PREX2: variants seen among roughly 807,000 people sequenced by gnomAD.
PREX2 encodes phosphatidylinositol 3,4,5-trisphosphate-dependent Rac exchanger 2 protein.
Under a neutral mutation model 203.2 loss-of-function variants are expected in PREX2, and 107 were observed. That is an observed-to-expected ratio of 0.53 (90% confidence interval 0.45 to 0.62). The LOEUF is 0.62. Among genes scored for constraint, PREX2 ranks in the 20% least tolerant of loss-of-function variants. The pLI is 0.00. For synonymous variants in PREX2, 672 were observed against 663.6 expected, an observed-to-expected ratio of 1.01 and a Z score of -0.19; for missense variants, 1,777 against 1,955.9, an observed-to-expected ratio of 0.91 and a Z score of 1.72.
intron 37 of PREX2, among the ~76,000 whole-genome samples, chr8:68,204,032 C>T (rs1178112580): frequency 6.6e-6 from 1 of 151,954 alleles, no homozygotes; most frequent in Admixed American, 6.6e-5. Context: ...CAGTTAAATT[C>T]CCCCCGCCCC....
chr8:68,196,410 A>T (rs938809698), intron 37 of PREX2, among the ~76,000 whole-genome samples: 5 of 147,494 alleles, frequency 3.4e-5, no homozygotes, highest in Admixed American at 6.8e-5. Context: ...ACATAGCTTT[A>T]TATATTATAT....
chr8:68,139,356 A>G (rs778173285), intron 33 of PREX2, among the ~76,000 whole-genome samples: 14 of 152,114 alleles, frequency 9.2e-5, no homozygotes, highest in Non-Finnish European at 1.6e-4. Flanking sequence ...CTGGACTCTG[A>G]GGCTGGGAGC....
At chr8:68,212,877 T>G (rs1812766341) in intron 37 of PREX2, among the ~76,000 whole-genome samples, 1 of 152,234 alleles carries the variant, frequency 6.6e-6, no homozygotes, top group Non-Finnish European at 1.5e-5. Flanking sequence ...TCTCTAAGTT[T>G]CTTTAGCATA....
intron 39 of PREX2, among the ~76,000 whole-genome samples, chr8:68,227,032 C>A (rs1191594453): frequency 6.6e-6 from 1 of 152,130 alleles, no homozygotes; most frequent in Non-Finnish European, 1.5e-5. Context: ...ATAGGCAGAG[C>A]CAGATCAGAG....
intron 35 of PREX2, among the ~76,000 whole-genome samples, chr8:68,188,045 C>G (rs1211097958): frequency 1.3e-5 from 2 of 152,188 alleles, no homozygotes; most frequent in Admixed American, 1.3e-4. Context: ...TATGAAAAAT[C>G]TGCTGATCAC....
chr8:68,208,561 C>A (rs1018213599), intron 37 of PREX2, among the ~76,000 whole-genome samples: 1 of 152,064 alleles, frequency 6.6e-6, no homozygotes, highest in Admixed American at 6.6e-5. Context: ...CTGTTTCATG[C>A]AGATGCTTAT....
rs1223970661 is a variant in PREX2 at position 68,072,589 on chromosome 8, G to A, written c.1569+19G>A. 2 of 1,422,236 alleles carry A rather than the reference G, an allele frequency of 1.4e-6. No homozygotes were observed. Among genetic ancestry groups the A allele is most frequent in the African/African-American group, 1.4e-5 (1 of 70,788 alleles). 88.1% of individuals were successfully genotyped at this position (1,422,236 alleles called of 1,614,324 possible). ...TGCACAGGTAAATAGACAAATAGAA[G>A]TTGCTGAGTTTCACTTGCTGCTGCT... On this transcript the variant is annotated intron_variant, in intron 14 of 39. Transcript: ENST00000288368.
intron 33 of PREX2, among the ~76,000 whole-genome samples, chr8:68,139,629 G>A (rs546984417): frequency 6.6e-6 from 1 of 152,300 alleles, no homozygotes; most frequent in East Asian, 1.9e-4. Context: ...CAGTTAGAAA[G>A]CTACCTCTCC....
intron 11 of PREX2, among the ~76,000 whole-genome samples, chr8:68,067,473 C>G (rs1809051749): frequency 6.6e-6 from 1 of 151,698 alleles, no homozygotes; most frequent in Admixed American, 6.6e-5. Context: ...TGTGTTATTC[C>G]TAAGTGTTAC....
intron 8 of PREX2, among the ~76,000 whole-genome samples, chr8:68,048,685 C>T (rs1327277158): frequency 1.3e-5 from 2 of 151,890 alleles, no homozygotes; most frequent in Non-Finnish European, 2.9e-5. Flanking sequence ...AAGGCAAACA[C>T]ATAAGACTAT....
intron 31 of PREX2, 136 bp from the exon 32 acceptor site, chr8:68,133,923 G>T: frequency 3.0e-6 from 2 of 660,880 alleles, no homozygotes; most frequent in East Asian, 5.4e-5. Flanking sequence ...GTCATTTATA[G>T]AGCTCAAATT....
Position 68,084,505 on chromosome 8 carries a change from A to G in PREX2, c.2027+1117A>G, listed in dbSNP as rs1320100902. Among the ~76,000 whole-genome samples the G allele has an allele frequency of 2.0e-5, 3 of 152,292 alleles. No individual in the cohort carries two copies. In the East Asian group the frequency reaches 5.8e-4, roughly 29 times the overall value. On this transcript the variant is annotated intron_variant, in intron 18 of 39. Coordinates refer to ENST00000288368, the MANE Select transcript of PREX2 (RefSeq NM_024870.4). ...TGCAGTGTTAAGTATCTTAAGAGTC[A>G]AAGTGCAGTGCAGTGGGCTGGGTTC...
chr8:68,003,931 G>A (rs779792651), intron 1 of PREX2, among the ~76,000 whole-genome samples: 2 of 141,688 alleles, frequency 1.4e-5, no homozygotes, highest in East Asian at 4.4e-4. Context: ...TCACTGCAAC[G>A]TCTGCCTCCC....
At chr8:67,998,400 A>G (rs1806833430) in intron 1 of PREX2, among the ~76,000 whole-genome samples, 1 of 152,242 alleles carries the variant, frequency 6.6e-6, no homozygotes. Flanking sequence ...CACTTGGTGA[A>G]GGCTTACTGG....
chr8:68,160,559 A>G (rs1811634308), intron 35 of PREX2, among the ~76,000 whole-genome samples: 2 of 152,178 alleles, frequency 1.3e-5, no homozygotes, highest in African/African-American at 2.4e-5. Flanking sequence ...TGAATGTAAT[A>G]TACCAAATAA....
At chr8:68,107,994 C>A in intron 23 of PREX2, 115 bp from the exon 24 acceptor site, 1 of 640,118 alleles carries the variant, frequency 1.6e-6, no homozygotes, top group Non-Finnish European at 2.7e-6. Context: ...TCACTCATTC[C>A]AGTTGACATG....
At chr8:68,101,283 T>C in intron 23 of PREX2, 1 of 504,654 alleles carries the variant, frequency 2.0e-6, no homozygotes, top group South Asian at 1.4e-5. Flanking sequence ...CAACATTGGT[T>C]ACCTAAACTA....
intron 19 of PREX2, among the ~76,000 whole-genome samples, chr8:68,090,252 A>G (rs1228108782): frequency 6.6e-6 from 1 of 152,230 alleles, no homozygotes; most frequent in Non-Finnish European, 1.5e-5. Flanking sequence ...TGGTCTTCTC[A>G]TTTTGCCATT....
chr8:68,069,839 TA>T lies in PREX2; in HGVS notation c.1450del (p.Arg484AspfsTer13). On this transcript the variant is annotated frameshift_variant, in exon 13 of 40. Transcript: ENST00000288368. LOFTEE classifies it high-confidence loss of function. ...ATATATCTCTATTTTACGTAGGGTG[TA>T]AGATTATATTGTCGTCTTCATAGCC... ...NEMQDVISKGVRLYCRLHSLF... is the reference protein window; with the variant it reads ...NEMQDVISKGXRLYCRLHSLF... 1 of 1,529,890 alleles carries T rather than the reference TA, an allele frequency of 6.5e-7. No individual in the cohort carries two copies. Among genetic ancestry groups the T allele is most frequent in the Non-Finnish European group, 9.0e-7 (1 of 1,114,510 alleles). The allele number at this position is 1,529,890 out of a possible 1,614,324, so 94.8% of individuals were successfully genotyped here. A position where few individuals can be genotyped will look rare whatever the true frequency, so the allele number is the denominator to read the frequency against.
Sources: allele counts gnomAD v4.1 joint callset (sites outside exome capture counted in the v4.1 genomes callset), GRCh38; gene constraint gnomAD v4.1.1; transcripts MANE v1.5; gene names NCBI Gene and HGNC (gene_info 2026-07-23, HGNC 2026-07-21).